Variants in ATG4A observed in about 807,000 individuals in gnomAD.
ATG4A encodes the protein cysteine protease ATG4A.
ATG4A carries 22 observed loss-of-function variants against 38.4 expected under a neutral mutation model. The observed-to-expected ratio is 0.57, with a 90% confidence interval of 0.41 to 0.82. The LOEUF (loss-of-function observed/expected upper bound fraction) is 0.82, where lower values mean the gene tolerates loss of function less well. ATG4A is among the 40% of genes least tolerant of loss of function. The pLI is 0.00. For missense variants in ATG4A, 220 were observed against 290.0 expected, an observed-to-expected ratio of 0.76 and a Z score of 1.75; for synonymous variants, 86 against 100.7, an observed-to-expected ratio of 0.85 and a Z score of 0.88.
At chrX:108,124,601 A>G (rs1210329552) in intron 1 of ATG4A, among the ~76,000 whole-genome samples, 1 of 110,399 alleles carries the variant, frequency 9.1e-6, no homozygotes, top group Non-Finnish European at 1.9e-5. Flanking sequence ...ACAGGCATGC[A>G]CCACCATGCC....
In ATG4A at chrX:108,152,044, A is replaced by C. The variant is rs2033602927; in HGVS notation, c.1017+186A>C. The stretch of plus-strand genomic sequence containing the variant: ...TGCATAACTTCGGGGAAACTGAACA[A>C]AAATTTTGGTTTGAAATATGCTTAG... On this transcript the variant is annotated intron_variant, in intron 11 of 12. Transcript: ENST00000372232. 3 of 391,207 alleles carry C rather than the reference A, an allele frequency of 7.7e-6. No homozygotes were observed. The East Asian group carries it at 1.2e-4, about 15-fold the overall frequency. 32.2% of individuals were successfully genotyped at this position (391,207 alleles called of 1,213,427 possible).
In ATG4A at chrX:108,141,064, A is replaced by G. The variant is rs2033263607; in HGVS notation, c.814+2873A>G. Among the ~76,000 whole-genome samples, 3 of 27,348 alleles carry G rather than the reference A, an allele frequency of 1.1e-4. No homozygotes were observed. In the South Asian group the frequency reaches 6.4e-3, roughly 58 times the overall value. The allele number at this position is 27,348 out of a possible 115,157, so 23.7% of individuals were successfully genotyped here. A position where few individuals can be genotyped will look rare whatever the true frequency, so the allele number is the denominator to read the frequency against. Reference sequence around the variant, plus strand: ...CATATATATACATATATACGTGTATATATATACATATATATATATATATAT... The same window carrying G: ...CATATATATACATATATACGTGTATGTATATACATATATATATATATATAT... On this transcript the variant is annotated intron_variant, in intron 9 of 12. Coordinates refer to ENST00000372232, the MANE Select transcript of ATG4A (RefSeq NM_052936.5).
chrX:108,127,458 A>G (rs1179817345), intron 2 of ATG4A, among the ~76,000 whole-genome samples: 1 of 111,778 alleles, frequency 8.9e-6, no homozygotes, highest in Non-Finnish European at 1.9e-5. Context: ...TCACAACTCA[A>G]TGAAGTAGGT....
At chrX:108,091,495 A>T (rs756485899), upstream of ATG4A, 1 of 1,211,936 alleles carries the variant, frequency 8.3e-7, no homozygotes, top group Non-Finnish European at 1.1e-6. Context: ...GTTGCAGACC[A>T]TTAGGTTAGA....
intron 1 of ATG4A, among the ~76,000 whole-genome samples, chrX:108,115,215 A>C: frequency 9.1e-6 from 1 of 109,375 alleles, no homozygotes. Context: ...GATTGTGGTT[A>C]GTATAATTTT....
upstream of ATG4A, chrX:108,091,607 A>C: frequency 1.0e-6 from 1 of 967,128 alleles, no homozygotes; most frequent in Non-Finnish European, 1.5e-6. Flanking sequence ...CAGCCGTTAG[A>C]GCTTCACCAA....
chrX:108,099,775 A>G (rs903790338), intron 1 of ATG4A, among the ~76,000 whole-genome samples: 4 of 111,844 alleles, frequency 3.6e-5, no homozygotes, highest in African/African-American at 1.3e-4. Flanking sequence ...AAATATAAGT[A>G]TGCCGTACTT....
intron 1 of ATG4A, among the ~76,000 whole-genome samples, chrX:108,113,169 CA>C (rs774654751): frequency 5.1e-4 from 57 of 111,407 alleles, no homozygotes; most frequent in African/African-American, 1.7e-3. Flanking sequence ...TCTACAGAAA[CA>C]AAAACTACTG....
chrX:108,151,752 G>A (rs376827716), intron 10 of ATG4A, 50 bp from the exon 11 acceptor site: 7 of 1,155,299 alleles, frequency 6.1e-6, no homozygotes, highest in South Asian at 3.7e-5. Flanking sequence ...CAGCTCCATT[G>A]TGCAATACCA....
At chrX:108,151,108 G>C (rs1178595436) in intron 10 of ATG4A, among the ~76,000 whole-genome samples, 1 of 111,993 alleles carries the variant, frequency 8.9e-6, no homozygotes, top group Admixed American at 9.4e-5. Flanking sequence ...GGAGAGATAA[G>C]GGAGCAAGAT....
chrX:108,091,877 G>T (rs746999596), intron 1 of ATG4A, 41 bp downstream of exon 1: 1 of 1,209,859 alleles, frequency 8.3e-7, no homozygotes. Context: ...TGAAAGAGCC[G>T]GGGTGGGTAG....
At chrX:108,091,667 G>A, upstream of ATG4A, 1 of 909,074 alleles carries the variant, frequency 1.1e-6, no homozygotes, top group Non-Finnish European at 1.6e-6. Context: ...CGGCGCCTCT[G>A]GGAGTTGCAG....
chrX:108,106,056 G>C (rs2032161848), intron 1 of ATG4A, among the ~76,000 whole-genome samples: 2 of 111,542 alleles, frequency 1.8e-5, no homozygotes, highest in Non-Finnish European at 3.8e-5. Context: ...AGGGGAACAA[G>C]GGCTGGAACT....
intron 1 of ATG4A, among the ~76,000 whole-genome samples, chrX:108,116,323 C>T (rs935143518): frequency 9.0e-6 from 1 of 111,144 alleles, no homozygotes; most frequent in Non-Finnish European, 1.9e-5. Context: ...TAATGAGGTG[C>T]GATGTTGAAA....
At chrX:108,095,096 C>T (rs1017230982) in intron 1 of ATG4A, among the ~76,000 whole-genome samples, 13 of 111,787 alleles carry the variant, frequency 1.2e-4, no homozygotes, top group African/African-American at 3.9e-4. Flanking sequence ...CATGCCACCA[C>T]GCCTGGCTAA....
At chrX:108,121,187 C>T (rs974310201) in intron 1 of ATG4A, among the ~76,000 whole-genome samples, 7 of 111,538 alleles carry the variant, frequency 6.3e-5, no homozygotes, top group African/African-American at 3.3e-5. Flanking sequence ...TGGGGACTAA[C>T]AGGGGAGTAA....
chrX:108,126,101 T>C lies in ATG4A; in HGVS notation c.35T>C (p.Ile12Thr), dbSNP rs773214733. ...ESVLSKYEDQ[I>T]TIFTDYLEEY... ...GTTTTATCCAAGTATGAAGATCAGA[T>C]TACTATTTTCACTGACTACCTAGAA... is the stretch of plus-strand genomic sequence containing the variant. The change falls in exon 2 of 13, where the codon ATT becomes ACT. Residue 12 changes from isoleucine (I) to threonine (T), a missense_variant. Ile to Thr is a moderately conservative substitution (Grantham distance 89, BLOSUM62 -1). Around this residue, in one of 3 missense-constraint regions of ATG4A, gnomAD observed 61 missense variants for 83.3 expected, o/e 0.73. Coordinates refer to ENST00000372232, the MANE Select transcript of ATG4A (RefSeq NM_052936.5). 3 of 1,200,939 alleles carry C rather than the reference T, an allele frequency of 2.5e-6. No homozygotes were observed. The highest frequency in any genetic ancestry group is 3.4e-6 in the Non-Finnish European group (3 of 887,021).
In ATG4A at chrX:108,099,027, C is replaced by T. The variant is rs750933874; in HGVS notation, c.10+7191C>T. On this transcript the variant is annotated intron_variant, in intron 1 of 12. Transcript: ENST00000372232. Reference sequence around the variant, plus strand: ...CCAGGAGAGCAATTACAAGGTGGGACGGTAAATATATGTTTAATTTTAAAA... The same window carrying T: ...CCAGGAGAGCAATTACAAGGTGGGATGGTAAATATATGTTTAATTTTAAAA... Among the ~76,000 whole-genome samples the T allele has an allele frequency of 1.1e-4, 12 of 111,495 alleles. No homozygotes were observed. In the South Asian group the frequency reaches 1.1e-3, roughly 10 times the overall value.
At chrX:108,094,805 A>G (rs748651626) in intron 1 of ATG4A, among the ~76,000 whole-genome samples, 1 of 112,623 alleles carries the variant, frequency 8.9e-6, no homozygotes, top group African/African-American at 3.2e-5. Context: ...AAGCTGCTCA[A>G]TTGCACAGTT....
Sources: gnomAD v4.1 joint callset for allele counts (sites outside exome capture counted in the v4.1 genomes callset) on GRCh38, gnomAD v4.1.1 for gene constraint, gnomAD v4.1.1 regional missense constraint, MANE v1.5 for transcripts, NCBI Gene and HGNC (gene_info 2026-07-23, HGNC 2026-07-21) for gene names.